PDIA3: variants seen among roughly 807,000 people sequenced by gnomAD.
PDIA3 encodes the protein protein disulfide isomerase family A member 3, also known as protein disulfide-isomerase A3.
Under a neutral mutation model 56.9 loss-of-function variants are expected in PDIA3, and 16 were observed. The ratio of observed to expected loss-of-function variants is 0.28; its 90% CI spans 0.19 to 0.43. The LOEUF (loss-of-function observed/expected upper bound fraction) is 0.43. PDIA3 is among the 20% of genes least tolerant of loss of function. The pLI is 1.00. For synonymous variants in PDIA3, 192 were observed against 216.5 expected, an observed-to-expected ratio of 0.89 and a Z score of 0.99; for missense variants, 485 against 621.3, an observed-to-expected ratio of 0.78 and a Z score of 2.33.
Position 43,769,662 on chromosome 15 carries a change from A to T in PDIA3, c.1266+16A>T. The T allele has an allele frequency of 6.2e-7, 1 of 1,611,394 alleles. No homozygotes were observed. The highest frequency in any genetic ancestry group is 2.2e-5 in the East Asian group (1 of 44,864). ...TGGCGAGAAGGTAAGTGTGAACCCT[A>T]TTCTGAGGATAACATTTGAGCGGGA... On this transcript the variant is annotated intron_variant, in intron 10 of 12. Coordinates refer to ENST00000300289, the MANE Select transcript of PDIA3 (RefSeq NM_005313.5).
At chr15:43,758,883 A>G (rs2086796603) in intron 3 of PDIA3, among the ~76,000 whole-genome samples, 1 of 151,986 alleles carries the variant, frequency 6.6e-6, no homozygotes, top group Non-Finnish European at 1.5e-5. Flanking sequence ...AGGCTAAGGC[A>G]GGAGACTCGC....
chr15:43,756,977 C>G (rs1260825672), intron 3 of PDIA3, among the ~76,000 whole-genome samples: 2 of 152,128 alleles, frequency 1.3e-5, no homozygotes, highest in African/African-American at 2.4e-5. Context: ...ATAAGGTCAG[C>G]TCGACATTTT....
intron 4 of PDIA3, among the ~76,000 whole-genome samples, chr15:43,762,428 T>C (rs909875526): frequency 1.3e-5 from 2 of 151,792 alleles, no homozygotes; most frequent in Non-Finnish European, 2.9e-5. Context: ...GGAGAAACGC[T>C]TGAACCCGGG....
At chr15:43,765,240 G>A (rs942796025) in intron 5 of PDIA3, among the ~76,000 whole-genome samples, 2 of 152,022 alleles carry the variant, frequency 1.3e-5, no homozygotes, top group Non-Finnish European at 2.9e-5. Flanking sequence ...AATTAGTTGT[G>A]CATGGTGGTG....
intron 5 of PDIA3, among the ~76,000 whole-genome samples, chr15:43,764,084 T>C (rs1428975434): frequency 6.6e-6 from 1 of 152,238 alleles, no homozygotes; most frequent in Non-Finnish European, 1.5e-5. Flanking sequence ...TAAAAGACTT[T>C]GGGCTGGGGA....
chr15:43,752,508 C>A (rs1398822233), intron 1 of PDIA3, among the ~76,000 whole-genome samples: 1 of 152,180 alleles, frequency 6.6e-6, no homozygotes, highest in African/African-American at 2.4e-5. Flanking sequence ...CATTTGTTTG[C>A]ACTCAGTCTG....
At chr15:43,748,515 G>A (rs115594827) in intron 1 of PDIA3, among the ~76,000 whole-genome samples, 2,696 of 152,084 alleles carry the variant, frequency 0.018, 86 homozygotes, top group African/African-American at 0.062. Flanking sequence ...TGAATTGAAG[G>A]GGGTGTTTCC....
Position 43,771,620 on chromosome 15 carries a change from G to GCGACC in PDIA3, c.*402_*403insCGACC. On this transcript the variant is annotated 3_prime_UTR_variant, in exon 13 of 13. Transcript: ENST00000300289. ...TTCAATAGAGCTTTCTTCAGTGATG[G>GCGACC]AAATGCTCTGTAATCTACACTGTTC... The GCGACC allele has an allele frequency of 9.1e-5, 38 of 415,816 alleles. No individual in the cohort carries two copies. In the South Asian group the frequency reaches 1.0e-3, roughly 11 times the overall value. The allele number at this position is 415,816 out of a possible 1,614,324, so 25.8% of individuals were successfully genotyped here.
chr15:43,765,829 C>T, intron 6 of PDIA3, 58 bp from the exon 7 acceptor site: 1 of 1,565,498 alleles, frequency 6.4e-7, no homozygotes, highest in Non-Finnish European at 8.7e-7. Flanking sequence ...TTTGTGGCAA[C>T]TTTATGATAT....
chr15:43,770,646 GTTCT>G (rs2086875633), intron 12 of PDIA3, 66 bp downstream of exon 12: 1 of 1,031,082 alleles, frequency 9.7e-7, no homozygotes, highest in African/African-American at 1.6e-5. Context: ...CTTAAACATA[GTTCT>G]TTAATTGGGT....
rs1188823740 is a variant in PDIA3 at position 43,771,111 on chromosome 15, C to T, written c.1411C>T (p.Arg471Cys). ...CTGATCTTTCTGTTTTCAGGGTGGC[C>T]GTGAATTAAGTGATTTTATTAGCTA... ...KLNPKKYEGG[R>C]ELSDFISYLQ... Residue 471 changes from arginine to cysteine, a missense_variant, in exon 13 of 13, where the codon CGT becomes TGT. Transcript: ENST00000300289. 3.1e-6 allele frequency: 5 copies of T among 1,609,110 alleles called. No individual in the cohort carries two copies. The highest frequency in any genetic ancestry group is 4.3e-6 in the Non-Finnish European group (5 of 1,176,206).
chr15:43,749,511 G>T (rs1176371636), intron 1 of PDIA3, among the ~76,000 whole-genome samples: 1 of 152,096 alleles, frequency 6.6e-6, no homozygotes, highest in African/African-American at 2.4e-5. Context: ...GAGTAAAATG[G>T]GGTCTGGCCC....
chr15:43,759,561 A>C (rs1443928474), intron 3 of PDIA3, among the ~76,000 whole-genome samples: 2 of 152,112 alleles, frequency 1.3e-5, no homozygotes, highest in Non-Finnish European at 2.9e-5. Flanking sequence ...CTTATTGTAT[A>C]CCCAAAAGAA....
intron 4 of PDIA3, among the ~76,000 whole-genome samples, chr15:43,762,512 A>C (rs1259739557): frequency 3.8e-5 from 5 of 132,244 alleles, no homozygotes; most frequent in South Asian, 2.3e-4. Context: ...ACTCTGTCGC[A>C]AAAAAAAAAA....
At chr15:43,752,900 A>G (rs1567155420) in intron 1 of PDIA3, 1 of 470,062 alleles carries the variant, frequency 2.1e-6, no homozygotes, top group East Asian at 6.9e-5. Context: ...ACTGATTAGG[A>G]TTTTCTGGGC....
At chr15:43,770,209 G>T in intron 10 of PDIA3, 41 bp from the exon 11 acceptor site, 1 of 1,507,428 alleles carries the variant, frequency 6.6e-7, no homozygotes, top group Non-Finnish European at 9.2e-7. Flanking sequence ...CTCTGTCACT[G>T]AAAACTTGAA....
chr15:43,759,260 G>C (rs1243072411), intron 3 of PDIA3, among the ~76,000 whole-genome samples: 8 of 151,970 alleles, frequency 5.3e-5, no homozygotes, highest in South Asian at 4.2e-4. Context: ...ACTGCAGTCT[G>C]GCCTGGGCGA....
chr15:43,752,865 T>C, intron 1 of PDIA3: 1 of 471,186 alleles, frequency 2.1e-6, no homozygotes, highest in Middle Eastern at 3.2e-4. Flanking sequence ...AAAGGTGATG[T>C]ACAGCTGGTG....
chr15:43,751,688 G>A, intron 1 of PDIA3: 1 of 1,303,692 alleles, frequency 7.7e-7, no homozygotes, highest in Admixed American at 2.3e-5. Flanking sequence ...TAAGGCAGTG[G>A]ATTTTAGTCC....
Sources: allele counts gnomAD v4.1 joint callset (sites outside exome capture counted in the v4.1 genomes callset), GRCh38; gene constraint gnomAD v4.1.1; transcripts MANE v1.5; gene names NCBI Gene and HGNC (gene_info 2026-07-23, HGNC 2026-07-21).